Variants in GOLM1 observed in about 807,000 individuals in gnomAD.
The protein encoded by GOLM1 is epididymis luminal protein 46.
A neutral mutation model predicts 50.5 loss-of-function variants in GOLM1; 31 were observed. That is an observed-to-expected ratio of 0.61 (90% CI 0.46 to 0.83). The LOEUF (loss-of-function observed/expected upper bound fraction) is 0.83, where lower values mean the gene tolerates loss of function less well. GOLM1 is among the 40% of genes least tolerant of loss of function. GOLM1 has a pLI of 0.00. For missense variants in GOLM1, 491 were observed against 501.3 expected, an observed-to-expected ratio of 0.98 and a Z score of 0.20; for synonymous variants, 178 against 192.8, an observed-to-expected ratio of 0.92 and a Z score of 0.64.
chr9:86,067,957 G>A (rs545295223), intron 3 of GOLM1, among the ~76,000 whole-genome samples: 1 of 152,164 alleles, frequency 6.6e-6, no homozygotes, highest in East Asian at 1.9e-4. Flanking sequence ...AGCGAACCAA[G>A]ATCACATCAC....
chr9:86,040,565 C>T (rs1833307743), intron 6 of GOLM1, among the ~76,000 whole-genome samples, 174 bp downstream of exon 6: 2 of 152,224 alleles, frequency 1.3e-5, no homozygotes, highest in South Asian at 4.1e-4. Flanking sequence ...GAGGTCAGAA[C>T]CCTTGGTTAG....
In GOLM1 at chr9:86,036,437, C is replaced by T; in HGVS notation, c.668G>A (p.Gly223Glu). The part of the protein sequence containing the change: ...AGLPHTEVPQ[G>E]KGNVLGNSKS... ...GCTGTTACCAAGCACGTTTCCCTTC[C>T]CTTGTGGCACCTCTGTGTGTGGCAG... Residue 223 changes from glycine (G) to glutamate (E), a missense_variant, in exon 7 of 10, where the codon GGG becomes GAG. Transcript: ENST00000388712. 1 of 1,614,170 alleles carries T rather than the reference C, an allele frequency of 6.2e-7. No homozygotes were observed. Among genetic ancestry groups the T allele is most frequent in the Non-Finnish European group, 8.5e-7 (1 of 1,180,016 alleles).
intron 1 of GOLM1, among the ~76,000 whole-genome samples, chr9:86,085,453 G>GTT (rs11397922): frequency 0.1 from 9,341 of 92,870 alleles, 601 homozygotes; most frequent in Non-Finnish European, 0.13. Flanking sequence ...CAAAGTTTTT[G>GTT]TTTTTTTTTT....
chr9:86,041,200 G>T (rs968970770), intron 5 of GOLM1, among the ~76,000 whole-genome samples: 1 of 152,144 alleles, frequency 6.6e-6, no homozygotes, highest in Non-Finnish European at 1.5e-5. Flanking sequence ...AAAAGCCTTG[G>T]AAGTTCCTGA....
At chr9:86,061,926 G>A (rs1438257293) in intron 3 of GOLM1, among the ~76,000 whole-genome samples, 2 of 152,200 alleles carry the variant, frequency 1.3e-5, no homozygotes, top group African/African-American at 4.8e-5. Flanking sequence ...CAGATGGGCA[G>A]AAAGGCGGGT....
At position 86,060,329 on chromosome 9, in the gene GOLM1, G is replaced by A. The variant is rs550254518; in HGVS notation, c.310-7738C>T. Among the ~76,000 whole-genome samples the A allele has an allele frequency of 4.6e-5, 7 of 152,174 alleles. No homozygotes were observed. In the South Asian group the frequency reaches 1.2e-3, roughly 27 times the overall value. On this transcript the variant is annotated intron_variant, in intron 3 of 9. Coordinates refer to ENST00000388712, the MANE Select transcript of GOLM1 (RefSeq NM_016548.4). ...AGACAGGGAAAGCGGGGAGAGGGAA[G>A]GAGAGAGAGGCAGAGACTTGCAAAC...
rs1479592583 is a variant in GOLM1, at chr9:86,035,434, C to A, written c.949G>T (p.Gly317Cys). The A allele has an allele frequency of 6.2e-7, 1 of 1,613,934 alleles. No individual in the cohort carries two copies. The highest frequency in any genetic ancestry group is 1.7e-5 in the Admixed American group (1 of 60,016). ...ATGACAAGCTGGTCTCGCTCAGGGC[C>A]CTCCATCTCTGGATTTTCCTGGCTC... is the stretch of plus-strand genomic sequence containing the variant. The part of the protein sequence containing the change: ...SVSQENPEME[G>C]PERDQLVIPD... The change falls in exon 8 of 10, where the codon GGC becomes TGC. Residue 317 changes from glycine (G) to cysteine (C), a missense_variant. Gly to Cys is a radical substitution (Grantham distance 159). Coordinates refer to ENST00000388712, the MANE Select transcript of GOLM1 (RefSeq NM_016548.4).
chr9:86,048,718 G>T (rs1431583061), intron 4 of GOLM1, among the ~76,000 whole-genome samples: 1 of 152,036 alleles, frequency 6.6e-6, no homozygotes, highest in Non-Finnish European at 1.5e-5. Context: ...TTTTTGATGG[G>T]GTTGTTTGAT....
intron 4 of GOLM1, among the ~76,000 whole-genome samples, chr9:86,051,059 T>C (rs1404112618): frequency 6.6e-6 from 1 of 152,194 alleles, no homozygotes. Context: ...TTCTGGTATG[T>C]TGTGTCTTTG....
At chr9:86,094,738 T>C (rs1835303924) in intron 1 of GOLM1, among the ~76,000 whole-genome samples, 2 of 152,166 alleles carry the variant, frequency 1.3e-5, no homozygotes, top group South Asian at 2.1e-4. Flanking sequence ...GAGACCAGAT[T>C]GGGCAATGTT....
At chr9:86,028,853 T>A (rs1381522873) in intron 9 of GOLM1, among the ~76,000 whole-genome samples, 2 of 147,556 alleles carry the variant, frequency 1.4e-5, no homozygotes, top group African/African-American at 5.0e-5. Context: ...TTTTTTTTTT[T>A]TTTTTTTTTT....
intron 1 of GOLM1, among the ~76,000 whole-genome samples, chr9:86,095,439 G>T (rs1449281499): frequency 6.6e-6 from 1 of 151,100 alleles, no homozygotes; most frequent in African/African-American, 2.4e-5. Context: ...ATAGAGATGG[G>T]GTTTCACCAT....
chr9:86,053,543 A>T, intron 3 of GOLM1, among the ~76,000 whole-genome samples: 1 of 97,162 alleles, frequency 1.0e-5, no homozygotes, highest in Non-Finnish European at 2.5e-5. Flanking sequence ...ACCAAACCAC[A>T]CCAAACACAC....
At chr9:86,070,705 A>G (rs961491830) in intron 3 of GOLM1, among the ~76,000 whole-genome samples, 1 of 152,252 alleles carries the variant, frequency 6.6e-6, no homozygotes, top group African/African-American at 2.4e-5. Flanking sequence ...GTACTGGTAC[A>G]TGGACTGAGA....
intron 4 of GOLM1, among the ~76,000 whole-genome samples, chr9:86,047,310 G>A (rs1329187768): frequency 6.6e-6 from 1 of 152,200 alleles, no homozygotes; most frequent in Non-Finnish European, 1.5e-5. Context: ...GACACAGCCA[G>A]GACAGACAGG....
chr9:86,029,462 C>T (rs1554781350), intron 9 of GOLM1, among the ~76,000 whole-genome samples: 1 of 152,160 alleles, frequency 6.6e-6, no homozygotes, highest in Non-Finnish European at 1.5e-5. Context: ...CTGTATGTAG[C>T]TTCTACCATC....
At chr9:86,046,318 A>G (rs1317129630) in intron 5 of GOLM1, 152 bp downstream of exon 5, 1 of 607,098 alleles carries the variant, frequency 1.6e-6, no homozygotes, top group African/African-American at 1.8e-5. Flanking sequence ...GCATTTGTGT[A>G]GGACATGAAT....
chr9:86,076,857 C>CA (rs748234542), intron 3 of GOLM1, among the ~76,000 whole-genome samples: 1,435 of 111,056 alleles, frequency 0.013, 10 homozygotes, highest in African/African-American at 0.039. Context: ...AACTCCATCT[C>CA]AAAAAAAAAA....
Position 86,035,881 on chromosome 9 carries a change from AAC to A in GOLM1, c.758-258_758-257del, listed in dbSNP as rs1426247568. Among the ~76,000 whole-genome samples, 29 of 128,342 alleles carry A rather than the reference AAC, an allele frequency of 2.3e-4. 3 individuals carry two copies. The highest frequency in any genetic ancestry group is 9.9e-4 in the South Asian group (4 of 4,040). The allele number at this position is 128,342 out of a possible 152,430, so 84.2% of individuals were successfully genotyped here. On this transcript the variant is annotated intron_variant, in intron 7 of 9. Coordinates refer to ENST00000388712, the MANE Select transcript of GOLM1 (RefSeq NM_016548.4). ...AGTAGCTTACCAAAAAAAAAAACAA[AAC>A]AAAAAAAAAAAAACACCTGGACTAA...
Sources: allele counts gnomAD v4.1 joint callset (sites outside exome capture counted in the v4.1 genomes callset), GRCh38; gene constraint gnomAD v4.1.1; transcripts MANE v1.5; gene names NCBI Gene and HGNC (gene_info 2026-07-23, HGNC 2026-07-21).